The following DPH6 variants were observed in gnomAD, a reference collection of about 807,000 sequenced individuals.
The protein encoded by DPH6 is diphthine--ammonia ligase.
DPH6 carries 33 observed loss-of-function variants against 38.2 expected under a neutral mutation model. That is an observed-to-expected ratio of 0.86 (90% confidence interval 0.65 to 1.15). The LOEUF (loss-of-function observed/expected upper bound fraction) is 1.15. Ranked by LOEUF, DPH6 falls within the 50% of genes most tolerant of loss-of-function variation. The pLI is 0.00. For synonymous variants in DPH6, 108 were observed against 103.0 expected, an observed-to-expected ratio of 1.05 and a Z score of -0.30; for missense variants, 325 against 320.0, an observed-to-expected ratio of 1.02 and a Z score of -0.12.
intron 3 of DPH6, chr15:35,237,610 A>G: frequency 6.2e-7 from 1 of 1,605,190 alleles, no homozygotes; most frequent in Non-Finnish European, 8.5e-7. Flanking sequence ...ATCTAAATTT[A>G]TGTGGCAACA....
intron 3 of DPH6, chr15:35,237,407 C>G: frequency 6.2e-7 from 1 of 1,605,024 alleles, no homozygotes; most frequent in Non-Finnish European, 8.5e-7. Flanking sequence ...GGACAACAGT[C>G]GGTCGAATGA....
At chr15:35,288,496 G>A (rs1339412017) in intron 3 of DPH6, among the ~76,000 whole-genome samples, 1 of 151,978 alleles carries the variant, frequency 6.6e-6, no homozygotes, top group Non-Finnish European at 1.5e-5. Context: ...TTTGAGGTAC[G>A]TTTACAATGA....
intron 5 of DPH6, among the ~76,000 whole-genome samples, chr15:35,420,376 T>C (rs1198454544): frequency 2.0e-5 from 3 of 151,906 alleles, no homozygotes; most frequent in Admixed American, 6.6e-5. Flanking sequence ...AACCTAACAT[T>C]ATAGCTCAAA....
Position 35,313,509 on chromosome 15 carries a change from CT to C in DPH6, n.200+60011del, listed in dbSNP as rs1180949692. On this transcript the variant is annotated intron_variant and non_coding_transcript_variant, in intron 3 of 3. Transcript: ENST00000560386. ...TTTCTTTTTGTTTTCTCTTCAATTTCTTTCATCAGTGTTTTATACTTTTTAT... is the reference window on the plus strand; with the variant it reads ...TTTCTTTTTGTTTTCTCTTCAATTTCTTCATCAGTGTTTTATACTTTTTAT... 2.6e-5 allele frequency among the ~76,000 whole-genome samples: 4 copies of C among 151,992 alleles called. No individual in the cohort carries two copies. The East Asian group carries it at 7.7e-4, about 29-fold the overall frequency.
chr15:35,341,204 G>A (rs1453224799), intron 3 of DPH6, among the ~76,000 whole-genome samples: 1 of 152,008 alleles, frequency 6.6e-6, no homozygotes, highest in African/African-American at 2.4e-5. Flanking sequence ...TAGTTCTCAT[G>A]TTGTTTTTCA....
At chr15:35,508,459 C>G (rs2054725532) in intron 3 of DPH6, among the ~76,000 whole-genome samples, 1 of 152,078 alleles carries the variant, frequency 6.6e-6, no homozygotes, top group African/African-American at 2.4e-5. Context: ...TTCAGAAATT[C>G]TCCAACATGC....
intron 3 of DPH6, among the ~76,000 whole-genome samples, chr15:35,287,127 T>C (rs2051948685): frequency 6.6e-6 from 1 of 152,170 alleles, no homozygotes; most frequent in Admixed American, 6.6e-5. Flanking sequence ...GCTGAAATGT[T>C]ACAACTCAGT....
chr15:35,421,539 G>A (rs945514798), intron 5 of DPH6, among the ~76,000 whole-genome samples: 3 of 152,142 alleles, frequency 2.0e-5, no homozygotes, highest in Admixed American at 2.0e-4. Context: ...CAAATAATAA[G>A]TGAAAGATGT....
the DPH6 span, among the ~76,000 whole-genome samples, chr15:35,183,932 C>A: frequency 6.6e-6 from 1 of 152,116 alleles, no homozygotes; most frequent in Non-Finnish European, 1.5e-5. Flanking sequence ...AAATCCTTTT[C>A]TAGGGCTAAA....
intron 3 of DPH6, among the ~76,000 whole-genome samples, chr15:35,341,823 G>A (rs886150952): frequency 1.3e-5 from 2 of 152,176 alleles, no homozygotes; most frequent in Non-Finnish European, 2.9e-5. Flanking sequence ...CTTTTGGGAG[G>A]TCTCACCCAG....
Position 35,500,411 on chromosome 15 carries a change from C to T in DPH6, c.312+37863G>A, listed in dbSNP as rs137899100. 6.2e-4 allele frequency among the ~76,000 whole-genome samples: 95 copies of T among 152,292 alleles called. 1 individual carries two copies. In the East Asian group the frequency reaches 0.017, roughly 28 times the overall value. The stretch of plus-strand genomic sequence containing the variant: ...AGTCAATTTAATTTGACATTCACTA[C>T]CTTTTCTCAGAACTGCATCTGCCTG... On this transcript the variant is annotated intron_variant, in intron 3 of 8. Coordinates refer to ENST00000256538, the MANE Select transcript of DPH6 (RefSeq NM_080650.4).
the DPH6 span, among the ~76,000 whole-genome samples, chr15:35,189,917 C>A: frequency 3.5e-4 from 54 of 152,186 alleles, no homozygotes; most frequent in Non-Finnish European, 6.9e-4. Context: ...GTAAATGATT[C>A]TCTGGAATTT....
At chr15:35,374,525 A>G (rs1412879420) in intron 7 of DPH6, among the ~76,000 whole-genome samples, 1 of 152,120 alleles carries the variant, frequency 6.6e-6, no homozygotes, top group African/African-American at 2.4e-5. Flanking sequence ...ATTTGGCTCC[A>G]AATTATTAAA....
the DPH6 span, among the ~76,000 whole-genome samples, chr15:35,197,402 A>G: frequency 6.6e-6 from 1 of 152,226 alleles, no homozygotes. Context: ...GTAGAATTTT[A>G]CATCTTGTAG....
intron 7 of DPH6, among the ~76,000 whole-genome samples, chr15:35,374,189 T>G (rs1024235688): frequency 4.6e-5 from 7 of 152,050 alleles, no homozygotes; most frequent in Non-Finnish European, 8.8e-5. Flanking sequence ...GTAAATTAAC[T>G]CAACTTTTAT....
At chr15:35,277,925 G>C (rs984017688) in intron 3 of DPH6, among the ~76,000 whole-genome samples, 5 of 152,132 alleles carry the variant, frequency 3.3e-5, no homozygotes, top group African/African-American at 4.8e-5. Context: ...GCAAATAAAT[G>C]ACTTAAAGTT....
At chr15:35,303,890 C>T (rs1372969783) in intron 3 of DPH6, among the ~76,000 whole-genome samples, 1 of 151,054 alleles carries the variant, frequency 6.6e-6, no homozygotes, top group Non-Finnish European at 1.5e-5. Flanking sequence ...ACTCTAAGGC[C>T]CTGGTAATAG....
intron 6 of DPH6, among the ~76,000 whole-genome samples, chr15:35,390,925 T>C (rs2053046696): frequency 6.6e-6 from 1 of 152,182 alleles, no homozygotes; most frequent in Admixed American, 6.5e-5. Context: ...ACTCTGATTT[T>C]TAGAGTTTCT....
At chr15:35,412,972 A>G (rs566939294) in intron 5 of DPH6, among the ~76,000 whole-genome samples, 1 of 148,524 alleles carries the variant, frequency 6.7e-6, no homozygotes, top group South Asian at 2.2e-4. Flanking sequence ...ACCTTAATGT[A>G]AACTATGAAC....
Sources: allele counts gnomAD v4.1 joint callset (sites outside exome capture counted in the v4.1 genomes callset), GRCh38; gene constraint gnomAD v4.1.1; transcripts MANE v1.5; gene names NCBI Gene and HGNC (gene_info 2026-07-23, HGNC 2026-07-21).